The following PPP3CA variants were observed in gnomAD, a reference collection of about 807,000 sequenced individuals.
The protein encoded by PPP3CA is CAM-PRP catalytic subunit.
A neutral mutation model predicts 66.5 loss-of-function variants in PPP3CA; 14 were observed. That is an observed-to-expected ratio of 0.21 (90% confidence interval 0.14 to 0.33). The LOEUF is 0.33. Ranked by LOEUF, PPP3CA falls within the 10% of genes least tolerant of loss-of-function variation. PPP3CA has a pLI of 1.00. For synonymous variants in PPP3CA, 232 were observed against 226.2 expected (o/e 1.03, Z -0.23); for missense variants, 317 against 639.5 (o/e 0.50, Z 5.44).
At chr4:101,090,620 T>G (rs1438142690) in intron 6 of PPP3CA, among the ~76,000 whole-genome samples, 3 of 118,180 alleles carry the variant, frequency 2.5e-5, no homozygotes, top group African/African-American at 3.5e-5. Flanking sequence ...CCAGCCTGGG[T>G]GACAGAGTGA....
chr4:101,116,589 A>G (rs551416380), intron 2 of PPP3CA, among the ~76,000 whole-genome samples: 5 of 151,976 alleles, frequency 3.3e-5, no homozygotes, highest in African/African-American at 1.2e-4. Context: ...TTCAAGTACA[A>G]ACCAGCTAGC....
At chr4:101,235,000 T>A (rs942153531) in intron 1 of PPP3CA, among the ~76,000 whole-genome samples, 1 of 151,770 alleles carries the variant, frequency 6.6e-6, no homozygotes, top group Non-Finnish European at 1.5e-5. Context: ...AGGCACTCTT[T>A]ACAAGTATTT....
intron 2 of PPP3CA, among the ~76,000 whole-genome samples, chr4:101,151,065 T>C (rs1468086906): frequency 1.3e-5 from 2 of 152,228 alleles, no homozygotes; most frequent in Non-Finnish European, 2.9e-5. Context: ...TTTAGAATCA[T>C]ATAACTTCAT....
Position 101,106,429 on chromosome 4 carries a change from GAAAGAAAGAAAGAAAGAAAGA to G in PPP3CA, c.384+2504_384+2524del, listed in dbSNP as rs1201381146. Among the ~76,000 whole-genome samples, 25 of 11,080 alleles carry G rather than the reference GAAAGAAAGAAAGAAAGAAAGA, an allele frequency of 2.3e-3. 3 individuals are homozygous for G. Among genetic ancestry groups the G allele is most frequent in the South Asian group, 0.01 (2 of 192 alleles). The allele number at this position is 11,080 out of a possible 152,430, so 7.3% of individuals were successfully genotyped here. A position where few individuals can be genotyped will look rare whatever the true frequency, so the allele number is the denominator to read the frequency against. ...AGAAAGAAAGAAAGAAAGAAAGAAA[GAAAGAAAGAAAGAAAGAAAGA>G]AAGAGAAAAGAAAAGAAAAGAAAAG... is the stretch of plus-strand genomic sequence containing the variant. On this transcript the variant is annotated intron_variant, in intron 3 of 13. Transcript: ENST00000394854.
intron 1 of PPP3CA, among the ~76,000 whole-genome samples, chr4:101,214,510 T>G (rs1238772059): frequency 3.9e-5 from 6 of 152,102 alleles, no homozygotes; most frequent in Non-Finnish European, 8.8e-5. Context: ...AGACTAATGA[T>G]AGGCCACCAT....
intron 3 of PPP3CA, among the ~76,000 whole-genome samples, chr4:101,107,659 A>C (rs1027055744): frequency 1.3e-5 from 2 of 152,234 alleles, no homozygotes; most frequent in African/African-American, 2.4e-5. Flanking sequence ...GTAGTCAGTG[A>C]CTAAAGGTGA....
chr4:101,184,767 C>T (rs80191143), intron 2 of PPP3CA, among the ~76,000 whole-genome samples: 2,432 of 152,116 alleles, frequency 0.016, 35 homozygotes, highest in Non-Finnish European at 0.027. Context: ...CATATAAAAC[C>T]TTTAGTATAT....
intron 1 of PPP3CA, among the ~76,000 whole-genome samples, chr4:101,316,317 G>T (rs1438103421): frequency 2.6e-5 from 4 of 151,346 alleles, no homozygotes; most frequent in South Asian, 4.2e-4. Context: ...GCAAATCAAA[G>T]ATAATTGAAG....
chr4:101,333,825 C>T (rs1363892883), intron 1 of PPP3CA, among the ~76,000 whole-genome samples: 1 of 152,170 alleles, frequency 6.6e-6, no homozygotes, highest in African/African-American at 2.4e-5. Flanking sequence ...TCTGCATTCC[C>T]ACAGTAGGAT....
At chr4:101,203,662 T>C (rs1217242229) in intron 1 of PPP3CA, among the ~76,000 whole-genome samples, 1 of 152,150 alleles carries the variant, frequency 6.6e-6, no homozygotes, top group Non-Finnish European at 1.5e-5. Flanking sequence ...TATGTATATC[T>C]ATTCTTTATC....
At chr4:101,111,004 C>A (rs532203144) in intron 2 of PPP3CA, among the ~76,000 whole-genome samples, 1 of 152,164 alleles carries the variant, frequency 6.6e-6, no homozygotes, top group South Asian at 2.1e-4. Context: ...ACTTAATTAG[C>A]ACATTTTTGT....
chr4:101,094,654 C>T (rs1046633718), intron 5 of PPP3CA, among the ~76,000 whole-genome samples: 6 of 152,202 alleles, frequency 3.9e-5, no homozygotes, highest in Non-Finnish European at 8.8e-5. Context: ...ATAATTTTAC[C>T]TGAAGCCTTC....
rs185036724 is a variant in PPP3CA, at chr4:101,146,866, T to A, written c.260-37788A>T. Among the ~76,000 whole-genome samples, 416 of 152,316 alleles carry A rather than the reference T, an allele frequency of 2.7e-3. 4 individuals are homozygous for A. Among genetic ancestry groups the A allele is most frequent in the African/African-American group, 9.6e-3 (399 of 41,570 alleles). On this transcript the variant is annotated intron_variant, in intron 2 of 13. Coordinates refer to ENST00000394854, the MANE Select transcript of PPP3CA (RefSeq NM_000944.5). ...TTTTTTAGATTTCAGATTTGGAATA[T>A]CTGCATTATACTTATTGGTTCAGCA...
At chr4:101,297,150 T>G (rs1728223710) in intron 1 of PPP3CA, among the ~76,000 whole-genome samples, 2 of 152,210 alleles carry the variant, frequency 1.3e-5, no homozygotes, top group African/African-American at 4.8e-5. Flanking sequence ...TATAATCGTC[T>G]TTTCTTTTTA....
intron 10 of PPP3CA, among the ~76,000 whole-genome samples, chr4:101,049,217 AG>A (rs1216882168): frequency 6.6e-6 from 1 of 152,176 alleles, no homozygotes; most frequent in African/African-American, 2.4e-5. Flanking sequence ...TCCTTGGTTG[AG>A]TCGCAGAAGC....
At chr4:101,323,839 C>T (rs1306775498) in intron 1 of PPP3CA, among the ~76,000 whole-genome samples, 3 of 152,070 alleles carry the variant, frequency 2.0e-5, no homozygotes, top group African/African-American at 7.2e-5. Context: ...CAAGGCCGGG[C>T]ATGGTGGCTC....
intron 1 of PPP3CA, among the ~76,000 whole-genome samples, chr4:101,308,314 A>G (rs78098082): frequency 0.02 from 3,019 of 152,334 alleles, 89 homozygotes; most frequent in African/African-American, 0.061. Context: ...CTAAATTTTA[A>G]AACTGGAAAG....
At chr4:101,032,189 G>T (rs1726997595) in intron 12 of PPP3CA, 78 bp downstream of exon 12, 3 of 1,115,428 alleles carry the variant, frequency 2.7e-6, no homozygotes, top group Non-Finnish European at 3.7e-6. Context: ...GAGCTTAAAT[G>T]AATGAATAAA....
intron 1 of PPP3CA, among the ~76,000 whole-genome samples, chr4:101,286,791 T>C (rs985784291): frequency 6.6e-6 from 1 of 152,138 alleles, no homozygotes; most frequent in Non-Finnish European, 1.5e-5. Context: ...TGACAGACCA[T>C]CTCAGGAGAA....
Sources: allele counts gnomAD v4.1 joint callset (sites outside exome capture counted in the v4.1 genomes callset), GRCh38; gene constraint gnomAD v4.1.1; transcripts MANE v1.5; gene names NCBI Gene and HGNC (gene_info 2026-07-23, HGNC 2026-07-21).